Variants in OPHN1 observed in about 807,000 individuals in gnomAD.
The protein encoded by OPHN1 is oligophrenin-1.
A neutral mutation model predicts 60.7 loss-of-function variants in OPHN1; 11 were observed. The observed-to-expected ratio is 0.18, with a 90% CI of 0.11 to 0.30. The LOEUF (loss-of-function observed/expected upper bound fraction) is 0.30. Among genes scored for constraint, OPHN1 ranks in the 10% least tolerant of loss-of-function variants. OPHN1 has a pLI of 1.00. For synonymous variants in OPHN1, 226 were observed against 222.6 expected, an observed-to-expected ratio of 1.02 and a Z score of -0.14; for missense variants, 449 against 611.0, an observed-to-expected ratio of 0.73 and a Z score of 2.80.
At chrX:68,217,479 C>T (rs1219202056) in intron 6 of OPHN1, among the ~76,000 whole-genome samples, 2 of 111,769 alleles carry the variant, frequency 1.8e-5, no homozygotes, top group African/African-American at 6.5e-5. Context: ...GGGGGCAGGG[C>T]ACAGACAAAC....
At chrX:68,086,737 C>T (rs1431319199) in intron 19 of OPHN1, among the ~76,000 whole-genome samples, 1 of 111,667 alleles carries the variant, frequency 9.0e-6, no homozygotes, top group Non-Finnish European at 1.9e-5. Flanking sequence ...GGGTATAGGC[C>T]TTCATTTTCC....
At chrX:68,195,027 G>A (rs1420614435) in intron 12 of OPHN1, among the ~76,000 whole-genome samples, 40 of 93,589 alleles carry the variant, frequency 4.3e-4, no homozygotes, top group African/African-American at 1.7e-3. Context: ...AGGAAGGAAG[G>A]AAGGAAGGAA....
chrX:68,174,207 A>G (rs780907409), intron 15 of OPHN1, among the ~76,000 whole-genome samples: 2 of 111,681 alleles, frequency 1.8e-5, no homozygotes, highest in Non-Finnish European at 3.8e-5. Flanking sequence ...AAAGAAAACC[A>G]CAAACCTGAA....
intron 5 of OPHN1, among the ~76,000 whole-genome samples, chrX:68,269,977 C>T (rs1478443519): frequency 8.9e-6 from 1 of 111,857 alleles, no homozygotes; most frequent in Admixed American, 9.4e-5. Context: ...AGTCAACAGA[C>T]ACAGGAAAAA....
chrX:68,330,625 T>G (rs1443099046), intron 2 of OPHN1, among the ~76,000 whole-genome samples: 3 of 109,248 alleles, frequency 2.7e-5, no homozygotes, highest in Non-Finnish European at 5.7e-5. Flanking sequence ...ATAGTGAGAC[T>G]CTGCCTCTTT....
At chrX:68,233,762 G>A (rs2077739340) in intron 6 of OPHN1, among the ~76,000 whole-genome samples, 1 of 111,547 alleles carries the variant, frequency 9.0e-6, no homozygotes, top group Non-Finnish European at 1.9e-5. Context: ...AATTGGAAGG[G>A]CAACATTCTT....
intron 6 of OPHN1, among the ~76,000 whole-genome samples, chrX:68,218,303 T>C (rs1020117938): frequency 9.2e-6 from 1 of 108,132 alleles, no homozygotes; most frequent in Admixed American, 1.0e-4. Flanking sequence ...CTATGTCTGA[T>C]TGGTGTACCT....
chrX:68,104,854 A>G (rs1343654524), intron 18 of OPHN1, among the ~76,000 whole-genome samples: 1 of 112,257 alleles, frequency 8.9e-6, no homozygotes, highest in Non-Finnish European at 1.9e-5. Context: ...AAAAGAAACT[A>G]TCATCAGAGT....
At chrX:68,148,190 C>G (rs766484403) in intron 15 of OPHN1, among the ~76,000 whole-genome samples, 3 of 110,511 alleles carry the variant, frequency 2.7e-5, no homozygotes, top group Non-Finnish European at 5.7e-5. Context: ...GAAAAGTGAA[C>G]ATGGAACAAG....
At chrX:68,337,335 T>C (rs776752519) in intron 2 of OPHN1, among the ~76,000 whole-genome samples, 2 of 111,588 alleles carry the variant, frequency 1.8e-5, no homozygotes, top group East Asian at 5.6e-4. Context: ...TTAAATATTA[T>C]AGATAAAATA....
chrX:68,274,890 A>G, intron 4 of OPHN1, 81 bp from the exon 5 acceptor site: 3 of 688,388 alleles, frequency 4.4e-6, no homozygotes, highest in Non-Finnish European at 4.6e-6. Flanking sequence ...CTACATTTTC[A>G]TTTATATACC....
intron 6 of OPHN1, among the ~76,000 whole-genome samples, chrX:68,222,956 G>C (rs748566631): frequency 9.4e-6 from 1 of 106,702 alleles, no homozygotes; most frequent in African/African-American, 3.4e-5. Context: ...TAAATAAAAA[G>C]AAAAAAAAAG....
At chrX:68,302,895 G>A (rs1472352095) in intron 2 of OPHN1, among the ~76,000 whole-genome samples, 1 of 111,288 alleles carries the variant, frequency 9.0e-6, no homozygotes, top group African/African-American at 3.3e-5. Flanking sequence ...TTGCACTCCT[G>A]TCTAGGTGAG....
At chrX:68,406,454 A>C (rs1282098232) in intron 2 of OPHN1, among the ~76,000 whole-genome samples, 2 of 110,170 alleles carry the variant, frequency 1.8e-5, no homozygotes, top group East Asian at 5.7e-4. Context: ...TCTATCAAAA[A>C]TACAAAAATT....
chrX:68,395,172 G>A (rs887936067), intron 2 of OPHN1, among the ~76,000 whole-genome samples: 1 of 99,995 alleles, frequency 1.0e-5, no homozygotes. Flanking sequence ...GGCCAGGCTC[G>A]TCTCAAACTC....
intron 2 of OPHN1, among the ~76,000 whole-genome samples, chrX:68,367,311 AC>A (rs2078504300): frequency 9.6e-6 from 1 of 104,666 alleles, no homozygotes; most frequent in African/African-American, 3.5e-5. Context: ...CCGAGATAGC[AC>A]CACTGCACTC....
chrX:68,356,924 G>T (rs113392938), intron 2 of OPHN1, among the ~76,000 whole-genome samples: 2 of 111,291 alleles, frequency 1.8e-5, no homozygotes, highest in Admixed American at 1.9e-4. Context: ...AAAATGTCCA[G>T]AATAGGCAAA....
chrX:68,278,745 G>T (rs181348213), intron 4 of OPHN1, among the ~76,000 whole-genome samples: 78 of 111,950 alleles, frequency 7.0e-4, no homozygotes, highest in Admixed American at 1.4e-3. Flanking sequence ...AATTAGCTGG[G>T]CATGGTGGTG....
intron 15 of OPHN1, among the ~76,000 whole-genome samples, chrX:68,127,283 T>G (rs1390989662): frequency 8.9e-6 from 1 of 111,943 alleles, no homozygotes; most frequent in African/African-American, 3.3e-5. Flanking sequence ...GTGGCTGATA[T>G]AAGGTGACAA....
Sources: gnomAD v4.1 joint callset for allele counts (sites outside exome capture counted in the v4.1 genomes callset) on GRCh38, gnomAD v4.1.1 for gene constraint, MANE v1.5 for transcripts, NCBI Gene and HGNC (gene_info 2026-07-23, HGNC 2026-07-21) for gene names.